The following NRXN1 variants were observed in gnomAD, a reference collection of about 807,000 sequenced individuals.
NRXN1 encodes neurexin 1, also known as neurexin-1.
In NRXN1, 39 loss-of-function variants were observed where a neutral mutation model predicts 150.9. That is an observed-to-expected ratio of 0.26 (90% CI 0.20 to 0.34). The LOEUF (loss-of-function observed/expected upper bound fraction) is 0.34. Ranked by LOEUF, NRXN1 falls within the 10% of genes least tolerant of loss-of-function variation. The pLI, the probability that NRXN1 is intolerant of heterozygous loss-of-function variation, is 1.00. For missense variants in NRXN1, 1,815 were observed against 1,949.9 expected, an observed-to-expected ratio of 0.93 and a Z score of 1.30; for synonymous variants, 924 against 757.0, an observed-to-expected ratio of 1.22 and a Z score of -3.62.
At chr2:51,025,286 C>T (rs969280486) in intron 2 of NRXN1, among the ~76,000 whole-genome samples, 16 of 152,304 alleles carry the variant, frequency 1.1e-4, no homozygotes, top group African/African-American at 3.8e-4. Flanking sequence ...AGGCACTACA[C>T]TGTTCAATTA....
At chr2:50,646,702 T>G (rs1312472281) in intron 5 of NRXN1, among the ~76,000 whole-genome samples, 1 of 146,102 alleles carries the variant, frequency 6.8e-6, no homozygotes, top group Non-Finnish European at 1.5e-5. Context: ...TGTACTTTCA[T>G]GTTGTCTTTT....
chr2:50,126,666 C>T (rs905810117), intron 18 of NRXN1, among the ~76,000 whole-genome samples: 8 of 151,692 alleles, frequency 5.3e-5, no homozygotes, highest in Non-Finnish European at 8.8e-5. Flanking sequence ...CTTTTTTCGT[C>T]CCTTTTCTTC....
intron 5 of NRXN1, chr2:50,917,041 T>C (rs1429114522): frequency 6.6e-6 from 1 of 151,726 alleles, no homozygotes; most frequent in South Asian, 2.1e-4. Flanking sequence ...AGATATTTAA[T>C]GTCTGATATT....
At chr2:50,850,042 C>T (rs1403354196) in intron 5 of NRXN1, among the ~76,000 whole-genome samples, 1 of 151,446 alleles carries the variant, frequency 6.6e-6, no homozygotes, top group Non-Finnish European at 1.5e-5. Context: ...CTCACTTCTA[C>T]AAAAATTAAA....
chr2:50,742,203 GAGAA>G (rs1477093192), intron 5 of NRXN1, among the ~76,000 whole-genome samples: 13 of 151,894 alleles, frequency 8.6e-5, no homozygotes, highest in African/African-American at 3.1e-4. Context: ...ATGTTTCAAA[GAGAA>G]AGAAATTTAA....
chr2:50,161,236 C>T (rs2167728), intron 18 of NRXN1, among the ~76,000 whole-genome samples: 6,807 of 152,142 alleles, frequency 0.045, 541 homozygotes, highest in African/African-American at 0.16. Context: ...TATTATATTA[C>T]TTCATTTTCA....
chr2:50,677,127 CT>C (rs996140044), intron 5 of NRXN1, among the ~76,000 whole-genome samples: 4 of 152,120 alleles, frequency 2.6e-5, no homozygotes, highest in African/African-American at 9.7e-5. Flanking sequence ...AGTCTTTACT[CT>C]TTTGAAACAT....
intron 17 of NRXN1, among the ~76,000 whole-genome samples, chr2:50,336,763 G>A (rs2077214659): frequency 2.0e-5 from 3 of 152,164 alleles, no homozygotes; most frequent in African/African-American, 7.2e-5. Flanking sequence ...GCCGACAGAT[G>A]TCATTTGAGA....
At chr2:50,118,696 T>C (rs1207189380) in intron 18 of NRXN1, among the ~76,000 whole-genome samples, 1 of 152,158 alleles carries the variant, frequency 6.6e-6, no homozygotes, top group African/African-American at 2.4e-5. Context: ...TGAACTACTG[T>C]GGTACTAGGC....
chr2:50,251,092 T>C (rs2067019726), intron 17 of NRXN1, among the ~76,000 whole-genome samples: 1 of 151,798 alleles, frequency 6.6e-6, no homozygotes, highest in East Asian at 1.9e-4. Context: ...GTATTACATA[T>C]GTAATACAAT....
chr2:50,843,232 C>G (rs568406709), intron 5 of NRXN1, among the ~76,000 whole-genome samples: 41 of 152,186 alleles, frequency 2.7e-4, no homozygotes, highest in Admixed American at 1.9e-3. Context: ...AGCCATTATT[C>G]CACAAACAAT....
chr2:50,559,618 C>G (rs1040277573), intron 8 of NRXN1, among the ~76,000 whole-genome samples: 2 of 152,076 alleles, frequency 1.3e-5, no homozygotes, highest in Non-Finnish European at 2.9e-5. Context: ...CACATAGACA[C>G]ACACCTACAC....
intron 5 of NRXN1, among the ~76,000 whole-genome samples, chr2:50,627,981 G>C (rs1457698412): frequency 2.0e-5 from 3 of 151,818 alleles, no homozygotes; most frequent in Non-Finnish European, 4.4e-5. Flanking sequence ...TAATAACTGT[G>C]TTTTAGTCTA....
chr2:50,723,265 A>G (rs1696905118), intron 5 of NRXN1, among the ~76,000 whole-genome samples: 1 of 152,206 alleles, frequency 6.6e-6, no homozygotes, highest in South Asian at 2.1e-4. Context: ...CTGAAATACA[A>G]TATTTGACCA....
chr2:50,681,467 G>C (rs978154208), intron 5 of NRXN1, among the ~76,000 whole-genome samples: 1 of 152,150 alleles, frequency 6.6e-6, no homozygotes, highest in Non-Finnish European at 1.5e-5. Flanking sequence ...TGGAGGACAG[G>C]AGCAAAAGGG....
rs1429807204 is a variant in NRXN1 at position 50,549,065 on chromosome 2, T to C, written c.1759+3522A>G. Among the ~76,000 whole-genome samples, 5 of 152,176 alleles carry C rather than the reference T, an allele frequency of 3.3e-5. No homozygotes were observed. The South Asian group carries it at 6.2e-4, about 19-fold the overall frequency. ...TCTCCACATTATATGAAAAATAATA[T>C]TCATATAGCCCCTGAATATAACTGA... is the stretch of plus-strand genomic sequence containing the variant. On this transcript the variant is annotated intron_variant, in intron 9 of 22. Transcript: ENST00000401669.
intron 21 of NRXN1, chr2:50,023,128 T>C (rs1374314815): frequency 6.6e-6 from 1 of 152,156 alleles, no homozygotes; most frequent in Admixed American, 6.5e-5. Context: ...CATGTCTGAC[T>C]CCATAATATA....
chr2:50,804,822 T>C (rs1475363120), intron 5 of NRXN1, among the ~76,000 whole-genome samples: 1 of 152,188 alleles, frequency 6.6e-6, no homozygotes, highest in African/African-American at 2.4e-5. Flanking sequence ...TCAAAACCAC[T>C]TTTCTCTCCA....
chr2:50,462,952 G>A lies in NRXN1; in HGVS notation c.3364+2490C>T, dbSNP rs185614137. On this transcript the variant is annotated intron_variant, in intron 17 of 22. Transcript: ENST00000401669. The stretch of plus-strand genomic sequence containing the variant: ...GTCTCATTTGTAATGTGGCATGTTC[G>A]TTTCCCCATTAAAAAGTTTTGTTTC... Among the ~76,000 whole-genome samples the A allele has an allele frequency of 2.4e-3, 367 of 151,752 alleles. 3 individuals carry two copies. Among genetic ancestry groups the A allele is most frequent in the African/African-American group, 8.6e-3 (358 of 41,490 alleles).
Sources: gnomAD v4.1 joint callset for allele counts (sites outside exome capture counted in the v4.1 genomes callset) on GRCh38, gnomAD v4.1.1 for gene constraint, MANE v1.5 for transcripts, NCBI Gene and HGNC (gene_info 2026-07-23, HGNC 2026-07-21) for gene names.